BRIP1: variants seen among roughly 807,000 people sequenced by gnomAD.
BRIP1 encodes Fanconi anemia group J protein.
A neutral mutation model predicts 119.7 loss-of-function variants in BRIP1; 88 were observed. The observed-to-expected ratio is 0.74, with a 90% CI of 0.62 to 0.88. The LOEUF (loss-of-function observed/expected upper bound fraction) is 0.88. BRIP1 is among the 40% of genes least tolerant of loss of function. The pLI is 0.00. For synonymous variants in BRIP1, 443 were observed against 496.5 expected, an observed-to-expected ratio of 0.89 and a Z score of 1.43; for missense variants, 1,259 against 1,455.4, an observed-to-expected ratio of 0.87 and a Z score of 2.20.
chr17:61,771,893 C>T (rs1037313129), intron 14 of BRIP1, among the ~76,000 whole-genome samples: 10 of 151,890 alleles, frequency 6.6e-5, no homozygotes, highest in African/African-American at 1.5e-4. Flanking sequence ...ACCTGGAAAG[C>T]GGAGGTTGCA....
chr17:61,847,248 TAAG>T, intron 5 of BRIP1, 28 bp from the exon 6 acceptor site: 1 of 1,612,840 alleles, frequency 6.2e-7, no homozygotes, highest in Non-Finnish European at 8.5e-7. Flanking sequence ...AAATGAAGTT[TAAG>T]GTGAACTAGA....
At position 61,746,969 on chromosome 17, in the gene BRIP1, A is replaced by G. The variant is rs2077066374; in HGVS notation, c.2098-2378T>C. On this transcript the variant is annotated intron_variant, in intron 14 of 19. Transcript: ENST00000259008. This position sits in a 1 kb window ranked among gnomAD's most constrained non-coding sequence, Gnocchi z 4.9. ...AAGTCTTAACAAATGTAAGATAAAAATTAATACCAGGTATCTTTTGCAACC... is the reference window on the plus strand; with the variant it reads ...AAGTCTTAACAAATGTAAGATAAAAGTTAATACCAGGTATCTTTTGCAACC... Among the ~76,000 whole-genome samples, 1 of 152,210 alleles carries G rather than the reference A, an allele frequency of 6.6e-6. No homozygotes were observed. Among genetic ancestry groups the G allele is most frequent in the African/African-American group, 2.4e-5 (1 of 41,458 alleles).
Position 61,856,969 on chromosome 17 carries a change from A to G in BRIP1, c.379+89T>C. The G allele has an allele frequency of 7.5e-7, 1 of 1,333,886 alleles. No homozygotes were observed. Among genetic ancestry groups the G allele is most frequent in the Non-Finnish European group, 1.1e-6 (1 of 927,386 alleles). 82.6% of individuals were successfully genotyped at this position (1,333,886 alleles called of 1,614,324 possible). A position where few individuals can be genotyped will look rare whatever the true frequency, so the allele number is the denominator to read the frequency against. On this transcript the variant is annotated intron_variant, in intron 4 of 19. Coordinates refer to ENST00000259008, the MANE Select transcript of BRIP1 (RefSeq NM_032043.3). This position sits in a 1 kb window ranked among gnomAD's most constrained non-coding sequence, Gnocchi z 5.1. The stretch of plus-strand genomic sequence containing the variant: ...ATAGAGATATATAATCAGTTATGCT[A>G]ACCAAACTTATATAAATTAGGGCTT...
rs2061591007 is a variant in BRIP1 at position 61,700,089 on chromosome 17, A to G, written c.2493-6577T>C. Reference sequence around the variant, plus strand: ...ATAAATCCTAGCCATGTATACAGTTATATCCTGAGGCTATCTAACTGTTCC... The same window carrying G: ...ATAAATCCTAGCCATGTATACAGTTGTATCCTGAGGCTATCTAACTGTTCC... On this transcript the variant is annotated intron_variant, in intron 17 of 19. Transcript: ENST00000259008. This position sits in a 1 kb window ranked among gnomAD's most constrained non-coding sequence, Gnocchi z 4.1. Among the ~76,000 whole-genome samples the G allele has an allele frequency of 6.6e-6, 1 of 152,140 alleles. No homozygotes were observed. The highest frequency in any genetic ancestry group is 1.5e-5 in the Non-Finnish European group (1 of 68,042).
chr17:61,688,864 A>C (rs1412399414), intron 18 of BRIP1, among the ~76,000 whole-genome samples: 1 of 151,996 alleles, frequency 6.6e-6, no homozygotes, highest in Non-Finnish European at 1.5e-5. Flanking sequence ...GAATTTCAAC[A>C]ATGATAAAGA....
rs2078234877 is a variant in BRIP1, at chr17:61,816,250, G to A, written c.628-7493C>T. 6.6e-6 allele frequency among the ~76,000 whole-genome samples: 1 copy of A among 152,202 alleles called. No individual in the cohort carries two copies. The highest frequency in any genetic ancestry group is 2.1e-4 in the South Asian group (1 of 4,832). ...CAGATACAGTGTCAGGTGAGAGTGT[G>A]TAATACAAATCCACAACTTTCTTCA... is the stretch of plus-strand genomic sequence containing the variant. On this transcript the variant is annotated intron_variant, in intron 6 of 19. Coordinates refer to ENST00000259008, the MANE Select transcript of BRIP1 (RefSeq NM_032043.3). The surrounding 1 kb of genome is among the most constrained non-coding windows in gnomAD (Gnocchi z 5.0).
At position 61,758,032 on chromosome 17, in the gene BRIP1, A is replaced by T. The variant is rs987868841; in HGVS notation, c.2098-13441T>A. Among the ~76,000 whole-genome samples the T allele has an allele frequency of 1.1e-4, 16 of 152,214 alleles. No individual in the cohort carries two copies. The highest frequency in any genetic ancestry group is 3.9e-4 in the African/African-American group (16 of 41,558). On this transcript the variant is annotated intron_variant, in intron 14 of 19. Transcript: ENST00000259008. This position sits in a 1 kb window ranked among gnomAD's most constrained non-coding sequence, Gnocchi z 5.3. Reference sequence around the variant, plus strand: ...AGAAAAAAGAAAAGAAAACAATAAGAACTCAATACTATGTTATGTATGGAA... The same window carrying T: ...AGAAAAAAGAAAAGAAAACAATAAGTACTCAATACTATGTTATGTATGGAA...
chr17:61,783,861 G>C (rs1177064599), intron 11 of BRIP1: 1 of 154,392 alleles, frequency 6.5e-6, no homozygotes, highest in Non-Finnish European at 1.4e-5. Context: ...GATCACTTGA[G>C]GCCAGGAGTT....
rs786201877 is a variant in BRIP1 at position 61,776,536 on chromosome 17, G to T, written c.1962C>A (p.Gly654=). 2 of 1,614,086 alleles carry T rather than the reference G, an allele frequency of 1.2e-6. No individual in the cohort carries two copies. The highest frequency in any genetic ancestry group is 1.7e-6 in the Non-Finnish European group (2 of 1,180,000). The change falls in exon 14 of 20, where the codon GGC becomes GGA. Residue 654 remains glycine (G), a synonymous_variant. Coordinates refer to ENST00000259008, the MANE Select transcript of BRIP1 (RefSeq NM_032043.3). The surrounding 1 kb of genome is among the most constrained non-coding windows in gnomAD (Gnocchi z 5.0). ...TAGCACAGAGATTCCGACCCTTGGGGCCTGACCCAATGGTACCAACCCAAA... is the reference window on the plus strand; with the variant it reads ...TAGCACAGAGATTCCGACCCTTGGGTCCTGACCCAATGGTACCAACCCAAA... ...SQVWVGTIGS[G]PKGRNLCATF...
intron 6 of BRIP1, among the ~76,000 whole-genome samples, chr17:61,829,634 T>G (rs2078459924): frequency 6.6e-6 from 1 of 152,154 alleles, no homozygotes; most frequent in Admixed American, 6.5e-5. Context: ...GATCGTCAAA[T>G]TTAAAAGAAC....
rs2078683296 is a variant in BRIP1, at chr17:61,843,269, A to G, written c.627+3832T>C. 6.6e-6 allele frequency among the ~76,000 whole-genome samples: 1 copy of G among 152,202 alleles called. No homozygotes were observed. The highest frequency in any genetic ancestry group is 1.5e-5 in the Non-Finnish European group (1 of 68,038). ...TAAAAAGTTGAATCTACATAGGATG[A>G]ATCAAGTCTAGAGATCTAATGAACA... On this transcript the variant is annotated intron_variant, in intron 6 of 19. Transcript: ENST00000259008. The surrounding 1 kb of genome is among the most constrained non-coding windows in gnomAD (Gnocchi z 5.7).
rs779287175 is a variant in BRIP1 at position 61,736,162 on chromosome 17, CAAA to C, written c.2379+6848_2379+6850del. On this transcript the variant is annotated intron_variant, in intron 16 of 19. Coordinates refer to ENST00000259008, the MANE Select transcript of BRIP1 (RefSeq NM_032043.3). The surrounding 1 kb of genome is among the most constrained non-coding windows in gnomAD (Gnocchi z 4.4). ...ACAACATAGCAAGACCTCGCCTCTCCAAAAAAAAAAAAAAGTTTAGCCAGGTGT... is the reference window on the plus strand; with the variant it reads ...ACAACATAGCAAGACCTCGCCTCTCCAAAAAAAAAAAGTTTAGCCAGGTGT... Among the ~76,000 whole-genome samples, 1 of 129,296 alleles carries C rather than the reference CAAA, an allele frequency of 7.7e-6. No individual in the cohort carries two copies. 84.8% of individuals were successfully genotyped at this position (129,296 alleles called of 152,430 possible). A position where few individuals can be genotyped will look rare whatever the true frequency, so the allele number is the denominator to read the frequency against.
At position 61,726,013 on chromosome 17, in the gene BRIP1, G is replaced by A. The variant is rs2076761834; in HGVS notation, c.2380-9950C>T. On this transcript the variant is annotated intron_variant, in intron 16 of 19. Coordinates refer to ENST00000259008, the MANE Select transcript of BRIP1 (RefSeq NM_032043.3). This position sits in a 1 kb window ranked among gnomAD's most constrained non-coding sequence, Gnocchi z 6.2. ...ATATTACTCAAACAAACCTGCAAATGTTTAAATTATCATCTCTAGAACATG... is the reference window on the plus strand; with the variant it reads ...ATATTACTCAAACAAACCTGCAAATATTTAAATTATCATCTCTAGAACATG... 6.6e-6 allele frequency among the ~76,000 whole-genome samples: 1 copy of A among 152,114 alleles called. No individual in the cohort carries two copies. Among genetic ancestry groups the A allele is most frequent in the African/African-American group, 2.4e-5 (1 of 41,430 alleles).
At chr17:61,801,696 G>A (rs138196615) in intron 7 of BRIP1, among the ~76,000 whole-genome samples, 42 of 152,090 alleles carry the variant, frequency 2.8e-4, no homozygotes, top group African/African-American at 5.8e-4. Flanking sequence ...AGTCCAAATC[G>A]GAAGAGCTCC....
At position 61,775,324 on chromosome 17, in the gene BRIP1, T is replaced by C. The variant is rs192696592; in HGVS notation, c.2097+1077A>G. Among the ~76,000 whole-genome samples, 319 of 152,328 alleles carry C rather than the reference T, an allele frequency of 2.1e-3. No homozygotes were observed. Among genetic ancestry groups the C allele is most frequent in the Non-Finnish European group, 3.8e-3 (257 of 68,006 alleles). ...ATGTTTTTGAAAACAAATCCTTTAA[T>C]TTATCTACAAGAGACTAATTGCTTT... On this transcript the variant is annotated intron_variant, in intron 14 of 19. Transcript: ENST00000259008. This position sits in a 1 kb window ranked among gnomAD's most constrained non-coding sequence, Gnocchi z 4.4.
intron 10 of BRIP1, among the ~76,000 whole-genome samples, chr17:61,790,755 T>C (rs2145212594): frequency 6.6e-6 from 1 of 152,036 alleles, no homozygotes; most frequent in East Asian, 1.9e-4. Flanking sequence ...TCCTCCTGCC[T>C]CAGCCTCCCA....
chr17:61,793,701 C>G lies in BRIP1; in HGVS notation c.1369G>C (p.Val457Leu), dbSNP rs748221377. ...CAAGCTGATTCATAATCTCTTTCTA[C>G]AAGATATTCAGCGTTTGCTTCTAAC... ...NWLEANAEYL[V>L]ERDYESACKI... The change falls in exon 10 of 20, where the codon GTA (valine) becomes CTA (leucine). Residue 457 changes from valine to leucine, a missense_variant. Around this residue, in one of 3 missense-constraint regions of BRIP1, gnomAD observed 501 missense variants for 544.0 expected, o/e 0.92. Coordinates refer to ENST00000259008, the MANE Select transcript of BRIP1 (RefSeq NM_032043.3). The surrounding 1 kb of genome is among the most constrained non-coding windows in gnomAD (Gnocchi z 5.2). The G allele has an allele frequency of 2.5e-6, 4 of 1,610,654 alleles. No homozygotes were observed. The highest frequency in any genetic ancestry group is 3.3e-5 in the Admixed American group (2 of 59,794).
chr17:61,755,287 C>T lies in BRIP1; in HGVS notation c.2098-10696G>A, dbSNP rs2077185616. On this transcript the variant is annotated intron_variant, in intron 14 of 19. Transcript: ENST00000259008. This position sits in a 1 kb window ranked among gnomAD's most constrained non-coding sequence, Gnocchi z 4.5. ...TAATAAAAGAAGAGTTGGCTGGGTG[C>T]AGTGGCCCACACCTGTAATCCCAGC... Among the ~76,000 whole-genome samples the T allele has an allele frequency of 6.6e-6, 1 of 152,108 alleles. No homozygotes were observed. Among genetic ancestry groups the T allele is most frequent in the Non-Finnish European group, 1.5e-5 (1 of 68,012 alleles).
rs1241771032 is a variant in BRIP1, at chr17:61,726,458, T to C, written c.2380-10395A>G. ...ATAAGCCATAAGGCTGTGGAGGCCA[T>C]ATAGTCATTACCTTAGTCAGTTCAC... On this transcript the variant is annotated intron_variant, in intron 16 of 19. Transcript: ENST00000259008. The surrounding 1 kb of genome is among the most constrained non-coding windows in gnomAD (Gnocchi z 6.2). Among the ~76,000 whole-genome samples the C allele has an allele frequency of 6.6e-6, 1 of 152,192 alleles. No homozygotes were observed. The highest frequency in any genetic ancestry group is 2.4e-5 in the African/African-American group (1 of 41,430).
Sources: allele counts gnomAD v4.1 joint callset (sites outside exome capture counted in the v4.1 genomes callset), GRCh38; gene constraint gnomAD v4.1.1; regional missense constraint gnomAD v4.1.1; non-coding constraint Gnocchi (gnomAD v3.1); transcripts MANE v1.5; gene names NCBI Gene and HGNC (gene_info 2026-07-23, HGNC 2026-07-21).